Variants in PLXNB1 observed in about 807,000 individuals in gnomAD.
PLXNB1 encodes plexin-B1.
Under a neutral mutation model 209.4 loss-of-function variants are expected in PLXNB1, and 106 were observed. The observed-to-expected ratio is 0.51, with a 90% CI of 0.43 to 0.59. The LOEUF (loss-of-function observed/expected upper bound fraction) is 0.59, where lower values mean the gene tolerates loss of function less well. PLXNB1 is among the 20% of genes least tolerant of loss of function. PLXNB1 has a pLI of 0.00. For missense variants in PLXNB1, 2,357 were observed against 2,853.2 expected (o/e 0.83, Z 3.96); for synonymous variants, 1,167 against 1,183.2 (o/e 0.99, Z 0.28).
At position 48,429,058 on chromosome 3, in the gene PLXNB1, C is replaced by T. The variant is rs2039048128; in HGVS notation, c.-60+950G>A. Reference sequence around the variant, plus strand: ...GGGGCGCGGAGGAGCAGCTCCACCTCCTCAGTCTCCCAATCGCGTTCCAGG... The same window carrying T: ...GGGGCGCGGAGGAGCAGCTCCACCTTCTCAGTCTCCCAATCGCGTTCCAGG... On this transcript the variant is annotated intron_variant, in intron 1 of 37. Transcript: ENST00000296440. The surrounding 1 kb of genome is among the most constrained non-coding windows in gnomAD (Gnocchi z 6.4). Among the ~76,000 whole-genome samples, 1 of 152,230 alleles carries T rather than the reference C, an allele frequency of 6.6e-6. No homozygotes were observed. Among genetic ancestry groups the T allele is most frequent in the Non-Finnish European group, 1.5e-5 (1 of 68,040 alleles).
Position 48,415,179 on chromosome 3 carries a change from C to G in PLXNB1, c.3963G>C (p.Gln1321His). The G allele has an allele frequency of 2.5e-6, 4 of 1,610,992 alleles. No individual in the cohort carries two copies. The highest frequency in any genetic ancestry group is 3.4e-6 in the Non-Finnish European group (4 of 1,177,890). The change falls in exon 20 of 38, where the codon CAG (glutamine) becomes CAC (histidine). Residue 1321 changes from glutamine (Q) to histidine (H), a missense_variant. By Grantham distance (24) the Gln-to-His change is conservative (BLOSUM62 0). This residue lies in a region of PLXNB1 where 743 missense variants were observed against 896.2 expected (regional missense o/e 0.83). Transcript: ENST00000296440. This position sits in a 1 kb window ranked among gnomAD's most constrained non-coding sequence, Gnocchi z 5.0. ...ACSLGPSCSS[Q>H]QFEEPCHVNS... ...GGGGTACCCAAGGGTGTCCTACTTGCTGGCTACTGCAGGAGGGTCCAAGGG... is the reference window on the plus strand; with the variant it reads ...GGGGTACCCAAGGGTGTCCTACTTGGTGGCTACTGCAGGAGGGTCCAAGGG...
rs772037491 is a variant in PLXNB1 at position 48,410,846 on chromosome 3, C to A, written c.5416+22G>T. The A allele has an allele frequency of 4.4e-6, 7 of 1,598,012 alleles. No homozygotes were observed. In the East Asian group the frequency reaches 1.6e-4, roughly 36 times the overall value. On this transcript the variant is annotated intron_variant, in intron 29 of 37. Transcript: ENST00000296440. This position sits in a 1 kb window ranked among gnomAD's most constrained non-coding sequence, Gnocchi z 6.4. The stretch of plus-strand genomic sequence containing the variant: ...CAGGCCCAACAGTGGCTCAGGTCCC[C>A]AGGGGCTCTCCACGCCCTCACCAAC...
In PLXNB1 at chr3:48,420,698, C is replaced by G. The variant is rs200452015; in HGVS notation, c.1995G>C (p.Ser665=). The G allele has an allele frequency of 2.5e-6, 4 of 1,614,026 alleles. No individual in the cohort carries two copies. Among genetic ancestry groups the G allele is most frequent in the African/African-American group, 2.7e-5 (2 of 75,054 alleles). ...TTGCAACCATGGGCCCAGCATCACA[C>G]GAGGCCTTGTGGGTGCACAGGTGCT... is the stretch of plus-strand genomic sequence containing the variant. The part of the protein sequence containing the change: ...VWQHLCTHKA[S]CDAGPMVASH... Residue 665 remains serine (S), a synonymous_variant, in exon 10 of 38, where the codon TCG becomes TCC. Transcript: ENST00000296440.
Position 48,416,441 on chromosome 3 carries a change from T to G in PLXNB1, c.3385A>C (p.Ile1129Leu). The G allele has an allele frequency of 6.2e-7, 1 of 1,612,198 alleles. No individual in the cohort carries two copies. Among genetic ancestry groups the G allele is most frequent in the Non-Finnish European group, 8.5e-7 (1 of 1,179,346 alleles). The change falls in exon 17 of 38, where the codon ATC becomes CTC. Residue 1129 changes from isoleucine to leucine, a missense_variant. Ile to Leu is a conservative substitution (Grantham distance 5). This residue lies in a region of PLXNB1 where 743 missense variants were observed against 896.2 expected (regional missense o/e 0.83). Transcript: ENST00000296440. This position sits in a 1 kb window ranked among gnomAD's most constrained non-coding sequence, Gnocchi z 4.1. ...ACCTCCTCCCCACTGGCCCCGGTGA[T>G]GCACACGAGGCTGTAGGCACAGGGC... ...EYEVSSSLVC[I>L]TGASGEEVAG... is the part of the protein sequence containing the mutation.
intron 7 of PLXNB1, 50 bp downstream of exon 7, chr3:48,421,624 T>C: frequency 1.3e-6 from 2 of 1,540,516 alleles, no homozygotes; most frequent in Non-Finnish European, 1.8e-6. Flanking sequence ...TACCCAGACC[T>C]TGATGCCCAG....
In PLXNB1 at chr3:48,404,444, C is replaced by CA; in HGVS notation, c.*41dup. On this transcript the variant is annotated 3_prime_UTR_variant, in exon 38 of 38. Transcript: ENST00000296440. ...TCTCCTCCGAGCTTCCAGGGCTGCC[C>CA]AGGCCAGGCTGAAGCAACAGCAGGC... 1 of 1,395,136 alleles carries CA rather than the reference C, an allele frequency of 7.2e-7. No homozygotes were observed. The highest frequency in any genetic ancestry group is 1.0e-6 in the Non-Finnish European group (1 of 988,886). The allele number at this position is 1,395,136 out of a possible 1,614,324, so 86.4% of individuals were successfully genotyped here.
Position 48,413,872 on chromosome 3 carries a change from CG to C in PLXNB1, c.4386+22del. On this transcript the variant is annotated intron_variant, in intron 22 of 37. Transcript: ENST00000296440. The surrounding 1 kb of genome is among the most constrained non-coding windows in gnomAD (Gnocchi z 5.4). ...GTTTGGCCCAGGTCAATGCCCAGCCCGGCCAGGGACCTGCCCACTGACCGTG... is the reference window on the plus strand; with the variant it reads ...GTTTGGCCCAGGTCAATGCCCAGCCCGCCAGGGACCTGCCCACTGACCGTG... The C allele has an allele frequency of 6.2e-7, 1 of 1,606,114 alleles. No homozygotes were observed. The highest frequency in any genetic ancestry group is 8.5e-7 in the Non-Finnish European group (1 of 1,174,388).
Position 48,413,437 on chromosome 3 carries a change from G to C in PLXNB1, c.4535+233C>G. ...CCATCCCACAACCTATTTTTATAAA[G>C]ATTTGTTAGAACACAGCCACTTTCA... is the stretch of plus-strand genomic sequence containing the variant. On this transcript the variant is annotated intron_variant, in intron 23 of 37. Coordinates refer to ENST00000296440, the MANE Select transcript of PLXNB1 (RefSeq NM_001130082.3). The surrounding 1 kb of genome is among the most constrained non-coding windows in gnomAD (Gnocchi z 5.4). The C allele has an allele frequency of 1.7e-6, 1 of 603,730 alleles. No homozygotes were observed. Among genetic ancestry groups the C allele is most frequent in the South Asian group, 2.0e-5 (1 of 48,922 alleles). The allele number at this position is 603,730 out of a possible 1,614,324, so 37.4% of individuals were successfully genotyped here.
rs2038069687 is a variant in PLXNB1, at chr3:48,416,022, G to A, written c.3617+9C>T. The A allele has an allele frequency of 8.7e-6, 14 of 1,602,200 alleles. No homozygotes were observed. The East Asian group carries it at 3.1e-4, about 36-fold the overall frequency. ...ATGGATTTTTGCAGGATGAGGAAGTGGCCCTCACAAGTGACAAGGCTGGTC... is the reference window on the plus strand; with the variant it reads ...ATGGATTTTTGCAGGATGAGGAAGTAGCCCTCACAAGTGACAAGGCTGGTC... On this transcript the variant is annotated intron_variant, in intron 18 of 37. Coordinates refer to ENST00000296440, the MANE Select transcript of PLXNB1 (RefSeq NM_001130082.3). This position sits in a 1 kb window ranked among gnomAD's most constrained non-coding sequence, Gnocchi z 4.1.
Position 48,410,659 on chromosome 3 carries a change from G to A in PLXNB1, c.5417-101C>T, listed in dbSNP as rs1443127872. ...AGGGACACCAGCCCCTCCATCATGG[G>A]GCAGCCTTACTCAACCTCTCCAAAG... On this transcript the variant is annotated intron_variant, in intron 29 of 37. Coordinates refer to ENST00000296440, the MANE Select transcript of PLXNB1 (RefSeq NM_001130082.3). The surrounding 1 kb of genome is among the most constrained non-coding windows in gnomAD (Gnocchi z 6.4). 2 of 1,087,004 alleles carry A rather than the reference G, an allele frequency of 1.8e-6. No individual in the cohort carries two copies. The highest frequency in any genetic ancestry group is 2.0e-5 in the Admixed American group (1 of 50,502). The allele number at this position is 1,087,004 out of a possible 1,614,324, so 67.3% of individuals were successfully genotyped here.
chr3:48,413,846 G>C lies in PLXNB1; in HGVS notation c.4387-28C>G. 6.2e-7 allele frequency: 1 copy of C among 1,610,126 alleles called. No individual in the cohort carries two copies. The highest frequency in any genetic ancestry group is 8.5e-7 in the Non-Finnish European group (1 of 1,177,178). ...GTGTCAGGAGCCACCTGTGAGCAAG[G>C]GTTTGGCCCAGGTCAATGCCCAGCC... On this transcript the variant is annotated intron_variant, in intron 22 of 37. Coordinates refer to ENST00000296440, the MANE Select transcript of PLXNB1 (RefSeq NM_001130082.3). The surrounding 1 kb of genome is among the most constrained non-coding windows in gnomAD (Gnocchi z 5.4).
Position 48,415,471 on chromosome 3 carries a change from T to C in PLXNB1, c.3794+112A>G. 1 of 1,401,034 alleles carries C rather than the reference T, an allele frequency of 7.1e-7. No homozygotes were observed. The highest frequency in any genetic ancestry group is 2.1e-5 in the Admixed American group (1 of 48,378). The allele number at this position is 1,401,034 out of a possible 1,614,324, so 86.8% of individuals were successfully genotyped here. ...AAACCACACGACCCCTTGCCCCTACTAGCAGCATGGGATTCTCAGTGCCTC... is the reference window on the plus strand; with the variant it reads ...AAACCACACGACCCCTTGCCCCTACCAGCAGCATGGGATTCTCAGTGCCTC... On this transcript the variant is annotated intron_variant, in intron 19 of 37. Coordinates refer to ENST00000296440, the MANE Select transcript of PLXNB1 (RefSeq NM_001130082.3). This position sits in a 1 kb window ranked among gnomAD's most constrained non-coding sequence, Gnocchi z 5.0.
chr3:48,404,990 G>A (rs1339884485), intron 37 of PLXNB1, among the ~76,000 whole-genome samples: 3 of 152,286 alleles, frequency 2.0e-5, no homozygotes, highest in Admixed American at 6.5e-5. Flanking sequence ...CACGAACCAC[G>A]AATTTGGGGC....
At chr3:48,420,597 C>A in intron 10 of PLXNB1, 68 bp downstream of exon 10, 2 of 1,270,428 alleles carry the variant, frequency 1.6e-6, no homozygotes. Flanking sequence ...GACCCCGGGC[C>A]ATGAGAAAAA....
chr3:48,413,799 C>T lies in PLXNB1; in HGVS notation c.4406G>A (p.Arg1469His), dbSNP rs749341035. Residue 1469 changes from arginine to histidine, a missense_variant, in exon 23 of 38, where the codon CGC becomes CAC. Arg to His is a conservative substitution (Grantham distance 29, BLOSUM62 0). Coordinates refer to ENST00000296440, the MANE Select transcript of PLXNB1 (RefSeq NM_001130082.3). The surrounding 1 kb of genome is among the most constrained non-coding windows in gnomAD (Gnocchi z 5.4). ...PEFTVQMGNL[R>H]FSLGHVQYDG... The stretch of plus-strand genomic sequence containing the variant: ...ATACTGCACGTGACCCAGGGAGAAG[C>T]GCAAGTTCCCCATCTGCACCTGTGT... 8.1e-6 allele frequency: 13 copies of T among 1,613,410 alleles called. No individual in the cohort carries two copies. In the East Asian group the frequency reaches 1.8e-4, roughly 22 times the overall value.
rs2038020175 is a variant in PLXNB1, at chr3:48,415,439, C to T, written c.3795-92G>A. The T allele has an allele frequency of 2.7e-6, 4 of 1,461,276 alleles. No homozygotes were observed. The highest frequency in any genetic ancestry group is 1.9e-6 in the Non-Finnish European group (2 of 1,072,166). The allele number at this position is 1,461,276 out of a possible 1,614,324, so 90.5% of individuals were successfully genotyped here. On this transcript the variant is annotated intron_variant, in intron 19 of 37. Coordinates refer to ENST00000296440, the MANE Select transcript of PLXNB1 (RefSeq NM_001130082.3). This position sits in a 1 kb window ranked among gnomAD's most constrained non-coding sequence, Gnocchi z 5.0. ...AGTCCCGGCTAGGTCAGCTCAGCCC[C>T]AGCCCCAAACCACACGACCCCTTGC...
chr3:48,422,263 A>G, intron 5 of PLXNB1, 58 bp from the exon 6 acceptor site: 1 of 1,609,882 alleles, frequency 6.2e-7, no homozygotes, highest in South Asian at 1.1e-5. Flanking sequence ...CTCACCCACA[A>G]GTGGGTCCCT....
At chr3:48,427,709 C>T (rs1310899819) in intron 1 of PLXNB1, among the ~76,000 whole-genome samples, 1 of 152,194 alleles carries the variant, frequency 6.6e-6, no homozygotes, top group African/African-American at 2.4e-5. Context: ...GCTGCACAGG[C>T]TCTTGCCGCT....
chr3:48,427,018 T>C (rs1336124784), intron 1 of PLXNB1, among the ~76,000 whole-genome samples: 1 of 152,142 alleles, frequency 6.6e-6, no homozygotes, highest in African/African-American at 2.4e-5. Context: ...CAGGGTCCCA[T>C]AGTTAGACCA....
Sources: allele counts gnomAD v4.1 joint callset (sites outside exome capture counted in the v4.1 genomes callset), GRCh38; gene constraint gnomAD v4.1.1; regional missense constraint gnomAD v4.1.1; non-coding constraint Gnocchi (gnomAD v3.1); transcripts MANE v1.5; gene names NCBI Gene and HGNC (gene_info 2026-07-23, HGNC 2026-07-21).